LIMCH1: variants seen among roughly 807,000 people sequenced by gnomAD.
The protein encoded by LIMCH1 is LIM and calponin homology domains-containing protein 1.
A neutral mutation model predicts 176.5 loss-of-function variants in LIMCH1; 113 were observed. That is an observed-to-expected ratio of 0.64 (90% CI 0.55 to 0.75). LIMCH1 has a LOEUF of 0.75. Among genes scored for constraint, LIMCH1 ranks in the 30% least tolerant of loss-of-function variants. The probability of loss-of-function intolerance (pLI) is 0.00; values close to 1 mark genes in which losing one functional copy is unlikely to be tolerated. For missense variants in LIMCH1, 1,674 were observed against 1,814.9 expected (o/e 0.92, Z 1.41); for synonymous variants, 619 against 645.9 (o/e 0.96, Z 0.63).
chr4:41,459,045 A>G (rs1228934713), intron 1 of LIMCH1, among the ~76,000 whole-genome samples: 2 of 152,160 alleles, frequency 1.3e-5, no homozygotes, highest in Non-Finnish European at 2.9e-5. Context: ...CTTATAAGGA[A>G]CTAGGATATG....
At chr4:41,404,886 T>C (rs992810252) in intron 1 of LIMCH1, among the ~76,000 whole-genome samples, 125 of 152,194 alleles carry the variant, frequency 8.2e-4, no homozygotes, top group Non-Finnish European at 1.2e-3. Flanking sequence ...CTTTTGTTCC[T>C]TCACTCCTTC....
chr4:41,522,449 A>C (rs1179171670), intron 2 of LIMCH1, among the ~76,000 whole-genome samples: 1 of 123,828 alleles, frequency 8.1e-6, no homozygotes, highest in Non-Finnish European at 1.6e-5. Context: ...TGACAGTGAG[A>C]TATTTTACTG....
At chr4:41,612,816 C>T in intron 4 of LIMCH1, 1 of 1,120,090 alleles carries the variant, frequency 8.9e-7, no homozygotes, top group Non-Finnish European at 1.2e-6. Flanking sequence ...TCTGAGGCAT[C>T]AGGAAAAGCG....
chr4:41,410,759 G>C (rs1421836422), intron 1 of LIMCH1, among the ~76,000 whole-genome samples: 1 of 152,158 alleles, frequency 6.6e-6, no homozygotes, highest in African/African-American at 2.4e-5. Flanking sequence ...GCTACATGCT[G>C]GTTCATTAGC....
chr4:41,464,840 T>G (rs1201502318), intron 1 of LIMCH1, among the ~76,000 whole-genome samples: 1 of 152,232 alleles, frequency 6.6e-6, no homozygotes. Context: ...GCTTCTTGTG[T>G]GGAGCACAGA....
At chr4:41,619,745 G>A (rs1382725341) in intron 6 of LIMCH1, 1 of 398,368 alleles carries the variant, frequency 2.5e-6, no homozygotes, top group Middle Eastern at 6.8e-4. Flanking sequence ...TTGTCCTTCT[G>A]CGGAGACTGC....
rs1174142348 is a variant in LIMCH1, at chr4:41,419,661, CT to C, written c.96+58727del. Among the ~76,000 whole-genome samples the C allele has an allele frequency of 9.6e-3, 684 of 71,006 alleles. 29 individuals carry two copies. The highest frequency in any genetic ancestry group is 0.044 in the African/African-American group (625 of 14,132). The allele number at this position is 71,006 out of a possible 152,430, so 46.6% of individuals were successfully genotyped here. On this transcript the variant is annotated intron_variant, in intron 1 of 26. Coordinates refer to the LIMCH1 transcript ENST00000313860. ...TCCTTCCTTTCTTCCTCCTTCCTTC[CT>C]TCCTTCCTTCCTTCCTTCCTCCTTC...
intron 3 of LIMCH1, among the ~76,000 whole-genome samples, chr4:41,529,881 G>A (rs1010165292): frequency 1.2e-4 from 19 of 152,160 alleles, no homozygotes; most frequent in African/African-American, 4.3e-4. Context: ...AAGGTCAGAA[G>A]CAGAAGCAGG....
chr4:41,631,033 A>T (rs907909656), intron 9 of LIMCH1, 115 bp from the exon 10 acceptor site: 7 of 868,000 alleles, frequency 8.1e-6, no homozygotes, highest in African/African-American at 1.7e-5. Context: ...TGGGATGCCG[A>T]ACTCACTGAT....
At chr4:41,448,611 A>G (rs2063518580) in intron 1 of LIMCH1, among the ~76,000 whole-genome samples, 1 of 152,126 alleles carries the variant, frequency 6.6e-6, no homozygotes, top group Non-Finnish European at 1.5e-5. Context: ...TTATCAATTT[A>G]AAATATGCAA....
chr4:41,445,437 T>C (rs1258670966), intron 1 of LIMCH1, among the ~76,000 whole-genome samples: 1 of 152,228 alleles, frequency 6.6e-6, no homozygotes, highest in Non-Finnish European at 1.5e-5. Flanking sequence ...AGAAAGCCAT[T>C]GCCATCTTCT....
Position 41,619,336 on chromosome 4 carries a change from G to T in LIMCH1, c.354G>T (p.Thr118=), listed in dbSNP as rs750254202. 2 of 1,614,154 alleles carry T rather than the reference G, an allele frequency of 1.2e-6. No individual in the cohort carries two copies. Among genetic ancestry groups the T allele is most frequent in the East Asian group, 2.2e-5 (1 of 44,878 alleles). The part of the protein sequence containing the change: ...NQYLPNKSNQ[T]AYVPAPLRKK... ...ACCTCCCGAACAAAAGCAATCAGAC[G>T]GCCTACGTCCCCGCGCCTCTGAGAA... The change falls in exon 6 of 32, where the codon ACG becomes ACT. Residue 118 remains threonine, a synonymous_variant. Coordinates refer to ENST00000503057, the MANE Select transcript of LIMCH1 (RefSeq NM_001330672.2).
intron 1 of LIMCH1, among the ~76,000 whole-genome samples, chr4:41,396,128 G>T (rs929812269): frequency 6.6e-6 from 1 of 152,110 alleles, no homozygotes; most frequent in Admixed American, 6.5e-5. Flanking sequence ...TGTGGGGCCG[G>T]ATCTGTAGGA....
rs375524717 is a variant in LIMCH1, at chr4:41,648,966, A to ATG, written c.2821-1412_2821-1411dup. ...GGCAACTTCTGTTTCAGTTATATTT[A>ATG]TGTGTGTGTGTGTGTGCTGAGTTGT... is the stretch of plus-strand genomic sequence containing the variant. On this transcript the variant is annotated intron_variant, in intron 17 of 31. Coordinates refer to ENST00000503057, the MANE Select transcript of LIMCH1 (RefSeq NM_001330672.2). Among the ~76,000 whole-genome samples, 483 of 140,330 alleles carry ATG rather than the reference A, an allele frequency of 3.4e-3. 3 individuals are homozygous for ATG. Among genetic ancestry groups the ATG allele is most frequent in the Middle Eastern group, 0.011 (2 of 182 alleles). 92.1% of individuals were successfully genotyped at this position (140,330 alleles called of 152,430 possible). A position where few individuals can be genotyped will look rare whatever the true frequency, so the allele number is the denominator to read the frequency against.
intron 2 of LIMCH1, among the ~76,000 whole-genome samples, chr4:41,498,325 C>T (rs377728003): frequency 3.3e-4 from 50 of 152,280 alleles, no homozygotes; most frequent in African/African-American, 1.0e-3. Flanking sequence ...ACATCTCTTA[C>T]TCCATATGGC....
intron 1 of LIMCH1, among the ~76,000 whole-genome samples, chr4:41,419,118 G>A (rs1029314826): frequency 1.1e-4 from 14 of 128,568 alleles, no homozygotes; most frequent in Non-Finnish European, 3.3e-5. Context: ...AAGTCACTAC[G>A]TTTTGTTTTA....
intron 1 of LIMCH1, chr4:41,472,866 C>T (rs61617579): frequency 0.02 from 5,050 of 248,498 alleles, 295 homozygotes; most frequent in African/African-American, 0.11. Flanking sequence ...TTTTTTAAAA[C>T]GCAGGATTCC....
At chr4:41,505,518 T>C (rs2074035427) in intron 2 of LIMCH1, among the ~76,000 whole-genome samples, 1 of 152,152 alleles carries the variant, frequency 6.6e-6, no homozygotes, top group African/African-American at 2.4e-5. Context: ...ACTAGAGTGA[T>C]TGTTTTGAAA....
intron 1 of LIMCH1, among the ~76,000 whole-genome samples, chr4:41,435,610 C>G (rs990951083): frequency 6.6e-6 from 1 of 152,100 alleles, no homozygotes. Flanking sequence ...TAATAGAGTT[C>G]TATTTTATTT....
Sources: allele counts gnomAD v4.1 joint callset (sites outside exome capture counted in the v4.1 genomes callset), GRCh38; gene constraint gnomAD v4.1.1; transcripts MANE v1.5; gene names NCBI Gene and HGNC (gene_info 2026-07-23, HGNC 2026-07-21).